The following POLH variants were observed in gnomAD, a reference collection of about 807,000 sequenced individuals.
POLH encodes DNA polymerase eta transcript.
In POLH, 53 loss-of-function variants were observed where a neutral mutation model predicts 73.6. The ratio of observed to expected loss-of-function variants is 0.72; its 90% CI spans 0.58 to 0.91. The LOEUF is 0.91. POLH is among the 40% of genes least tolerant of loss of function. The pLI is 0.00. For synonymous variants in POLH, 292 were observed against 308.5 expected (o/e 0.95, Z 0.56); for missense variants, 768 against 865.4 (o/e 0.89, Z 1.41).
At chr6:43,610,452 T>C (rs1767777590) in intron 9 of POLH, 102 bp from the exon 10 acceptor site, 9 of 928,444 alleles carry the variant, frequency 9.7e-6, no homozygotes, top group Admixed American at 7.1e-5. Context: ...TTCCAAACCA[T>C]TGTCACCCTG....
At position 43,587,348 on chromosome 6, in the gene POLH, G is replaced by A. The variant is rs1459216498; in HGVS notation, c.349G>A (p.Ala117Thr). The A allele has an allele frequency of 1.2e-6, 2 of 1,614,038 alleles. No homozygotes were observed. The highest frequency in any genetic ancestry group is 1.1e-5 in the South Asian group (1 of 91,086). The part of the protein sequence containing the change: ...AVIERASIDE[A>T]YVDLTSAVQE... ...GATTGAACGTGCCAGCATTGATGAG[G>A]CTTACGTAGATCTGACCAGTGCTGT... is the stretch of plus-strand genomic sequence containing the variant. The change falls in exon 4 of 11, where the codon GCT becomes ACT. Residue 117 changes from alanine to threonine, a missense_variant. Physicochemically the swap from Ala to Thr is moderately conservative, Grantham distance 58. Transcript: ENST00000372236.
Position 43,613,654 on chromosome 6 carries a change from G to C in POLH, c.1245-6G>C. ...TAATCATCTTATTTCTTTACTTTCT[G>C]TATAGGTCTCCTCCTCTCACAATGC... On this transcript the variant is annotated splice_polypyrimidine_tract_variant and splice_region_variant and intron_variant, in intron 10 of 10. Coordinates refer to ENST00000372236, the MANE Select transcript of POLH (RefSeq NM_006502.3). 6.2e-7 allele frequency: 1 copy of C among 1,610,776 alleles called. No homozygotes were observed. Among genetic ancestry groups the C allele is most frequent in the Non-Finnish European group, 8.5e-7 (1 of 1,177,262 alleles).
At chr6:43,578,460 T>G (rs781129195) in intron 1 of POLH, 1 of 438,802 alleles carries the variant, frequency 2.3e-6, no homozygotes, top group South Asian at 1.6e-5. Context: ...TATATAGTTG[T>G]GGAAGTCAAA....
At chr6:43,580,946 C>T (rs1764085823) in intron 1 of POLH, among the ~76,000 whole-genome samples, 1 of 146,410 alleles carries the variant, frequency 6.8e-6, no homozygotes, top group African/African-American at 2.5e-5. Flanking sequence ...GGGGGCTGAC[C>T]CCCCCACCTC....
At chr6:43,610,750 C>G in intron 10 of POLH, 27 bp downstream of exon 10, 1 of 1,561,652 alleles carries the variant, frequency 6.4e-7, no homozygotes, top group Non-Finnish European at 8.8e-7. Context: ...CTCATCTTCT[C>G]AGAATAGATG....
chr6:43,593,896 A>AAGAAAG (rs1554139792), intron 4 of POLH, among the ~76,000 whole-genome samples: 2 of 146,092 alleles, frequency 1.4e-5, no homozygotes, highest in African/African-American at 5.1e-5. Flanking sequence ...AAAAAAAAAA[A>AAGAAAG]AAAGAAAGAA....
intron 9 of POLH, among the ~76,000 whole-genome samples, chr6:43,607,252 G>A (rs1001464497): frequency 4.6e-5 from 7 of 152,156 alleles, no homozygotes; most frequent in East Asian, 1.9e-4. Context: ...GCGCCACCAC[G>A]CCCAGCTAAT....
chr6:43,603,590 A>C (rs555870312), intron 6 of POLH, among the ~76,000 whole-genome samples: 2 of 152,268 alleles, frequency 1.3e-5, no homozygotes, highest in South Asian at 4.1e-4. Flanking sequence ...AGTTTTAGCC[A>C]TGGAAGGGAT....
intron 10 of POLH, 114 bp downstream of exon 10, chr6:43,610,837 A>G: frequency 1.2e-6 from 1 of 849,402 alleles, no homozygotes; most frequent in Non-Finnish European, 1.9e-6. Flanking sequence ...AATCACTCAA[A>G]TTTTCACATG....
At chr6:43,584,985 A>G (rs1582274856) in intron 3 of POLH, among the ~76,000 whole-genome samples, 1 of 152,050 alleles carries the variant, frequency 6.6e-6, no homozygotes, top group Non-Finnish European at 1.5e-5. Flanking sequence ...TACCAAAATT[A>G]AAACAAAAAC....
intron 10 of POLH, among the ~76,000 whole-genome samples, chr6:43,611,150 C>T (rs1767843748): frequency 6.6e-6 from 1 of 152,198 alleles, no homozygotes. Context: ...ACAGTACCAA[C>T]CTCAGAAACA....
intron 1 of POLH, among the ~76,000 whole-genome samples, chr6:43,577,934 A>G (rs1190596912): frequency 6.6e-6 from 1 of 151,648 alleles, no homozygotes; most frequent in Non-Finnish European, 1.5e-5. Flanking sequence ...AATACAAAAA[A>G]TTAGCCGGGC....
chr6:43,583,825 A>T (rs1764527485), intron 3 of POLH, among the ~76,000 whole-genome samples: 1 of 152,196 alleles, frequency 6.6e-6, no homozygotes, highest in Non-Finnish European at 1.5e-5. Flanking sequence ...AAGTTCAGAG[A>T]AGTTAAATAA....
intron 5 of POLH, among the ~76,000 whole-genome samples, chr6:43,600,279 A>G (rs1039002568): frequency 2.4e-4 from 36 of 152,248 alleles, no homozygotes; most frequent in South Asian, 4.1e-4. Flanking sequence ...TTAGCTGGAC[A>G]TGGTGGCGCA....
intron 9 of POLH, among the ~76,000 whole-genome samples, chr6:43,607,071 A>G (rs911816089): frequency 5.3e-5 from 8 of 152,158 alleles, no homozygotes; most frequent in African/African-American, 1.4e-4. Flanking sequence ...TGTAGCATGT[A>G]TTAGTACTTA....
At chr6:43,579,103 C>A (rs1368882828) in intron 1 of POLH, among the ~76,000 whole-genome samples, 1 of 152,126 alleles carries the variant, frequency 6.6e-6, no homozygotes, top group Non-Finnish European at 1.5e-5. Flanking sequence ...GCTCATAACT[C>A]CCCTAGCTTT....
At chr6:43,581,747 A>C (rs1242767024) in intron 1 of POLH, among the ~76,000 whole-genome samples, 2 of 149,028 alleles carry the variant, frequency 1.3e-5, no homozygotes, top group Non-Finnish European at 3.0e-5. Context: ...CGCGGGCGTC[A>C]GCGCCGCGAC....
At chr6:43,613,591 A>C (rs1768121176) in intron 10 of POLH, 69 bp from the exon 11 acceptor site, 1 of 1,226,918 alleles carries the variant, frequency 8.2e-7, no homozygotes, top group African/African-American at 1.5e-5. Flanking sequence ...CAATTCATGG[A>C]ATTAGCAATA....
At chr6:43,609,221 A>G (rs546315992) in intron 9 of POLH, among the ~76,000 whole-genome samples, 35 of 152,004 alleles carry the variant, frequency 2.3e-4, no homozygotes, top group African/African-American at 8.2e-4. Context: ...ATTTTTTATT[A>G]TCTATAGTTC....
Sources: allele counts gnomAD v4.1 joint callset (sites outside exome capture counted in the v4.1 genomes callset), GRCh38; gene constraint gnomAD v4.1.1; transcripts MANE v1.5; gene names NCBI Gene and HGNC (gene_info 2026-07-23, HGNC 2026-07-21).